Variants in DIAPH2 observed in about 807,000 individuals in gnomAD.
The protein encoded by DIAPH2 is protein diaphanous homolog 2.
A neutral mutation model predicts 92.7 loss-of-function variants in DIAPH2; 35 were observed. That is an observed-to-expected ratio of 0.38 (90% confidence interval 0.29 to 0.50). DIAPH2 has a LOEUF of 0.50. Among genes scored for constraint, DIAPH2 ranks in the 20% least tolerant of loss-of-function variants. The probability of loss-of-function intolerance (pLI) is 0.94; values close to 1 mark genes in which losing one functional copy is unlikely to be tolerated. For missense variants in DIAPH2, 701 were observed against 819.5 expected, an observed-to-expected ratio of 0.86 and a Z score of 1.77; for synonymous variants, 301 against 280.4, an observed-to-expected ratio of 1.07 and a Z score of -0.73.
At chrX:96,798,435 T>C (rs1485042924) in intron 4 of DIAPH2, among the ~76,000 whole-genome samples, 1 of 111,616 alleles carries the variant, frequency 9.0e-6, no homozygotes, top group Admixed American at 9.6e-5. Flanking sequence ...TGGTATTTTT[T>C]TCAGTTCTCG....
At chrX:97,582,820 G>A (rs2071449760) in intron 26 of DIAPH2, among the ~76,000 whole-genome samples, 1 of 111,459 alleles carries the variant, frequency 9.0e-6, no homozygotes, top group East Asian at 2.8e-4. Flanking sequence ...CCAATCAGAC[G>A]TAGATTTGGT....
chrX:97,321,464 G>A (rs1046250626), intron 23 of DIAPH2, among the ~76,000 whole-genome samples: 3 of 108,513 alleles, frequency 2.8e-5, no homozygotes, highest in Admixed American at 1.0e-4. Context: ...ACATGTCATT[G>A]CATTCAGATT....
At chrX:96,951,421 A>T (rs2065774195) in intron 15 of DIAPH2, among the ~76,000 whole-genome samples, 1 of 111,475 alleles carries the variant, frequency 9.0e-6, no homozygotes, top group African/African-American at 3.3e-5. Flanking sequence ...GAGCATAGAC[A>T]CCTTGAGGAC....
chrX:97,025,739 A>G (rs886793307), intron 17 of DIAPH2, among the ~76,000 whole-genome samples: 1 of 112,776 alleles, frequency 8.9e-6, no homozygotes, highest in African/African-American at 3.2e-5. Context: ...AATCTCTAAA[A>G]TAAATCATTA....
In DIAPH2 at chrX:96,980,998, C is replaced by CAAAA. The variant is rs1204120424; in HGVS notation, c.2050+15813_2050+15816dup. 6.7e-3 allele frequency among the ~76,000 whole-genome samples: 305 copies of CAAAA among 45,486 alleles called. 5 individuals are homozygous for CAAAA. The highest frequency in any genetic ancestry group is 0.02 in the African/African-American group (217 of 10,716). The allele number at this position is 45,486 out of a possible 115,157, so 39.5% of individuals were successfully genotyped here. On this transcript the variant is annotated intron_variant, in intron 17 of 26. Transcript: ENST00000324765. The stretch of plus-strand genomic sequence containing the variant: ...CAACATGGTGAAACCCCATCTCTAC[C>CAAAA]AAAAAAAAAAAAAAAAAAAAAAAAA...
At chrX:96,784,647 C>A (rs1359541668) in intron 4 of DIAPH2, among the ~76,000 whole-genome samples, 1 of 111,741 alleles carries the variant, frequency 8.9e-6, no homozygotes, top group Non-Finnish European at 1.9e-5. Context: ...TCCTACTATC[C>A]CTGCACTATG....
At chrX:97,135,073 T>C (rs909660659) in intron 21 of DIAPH2, among the ~76,000 whole-genome samples, 13 of 112,155 alleles carry the variant, frequency 1.2e-4, no homozygotes, top group Non-Finnish European at 2.1e-4. Context: ...TTTTAAGCAG[T>C]TCACAATCTG....
chrX:97,203,629 T>C (rs184351408), intron 22 of DIAPH2, among the ~76,000 whole-genome samples: 2 of 111,686 alleles, frequency 1.8e-5, no homozygotes, highest in Admixed American at 1.9e-4. Flanking sequence ...CAGGAAGAAG[T>C]CGAATCCCTG....
intron 26 of DIAPH2, among the ~76,000 whole-genome samples, chrX:97,588,615 T>C (rs138889893): frequency 0.022 from 2,422 of 110,733 alleles, 80 homozygotes; most frequent in African/African-American, 0.075. Context: ...TTTTAAGACT[T>C]TAACTTTTAG....
chrX:97,368,972 C>A (rs2069413238), intron 24 of DIAPH2, among the ~76,000 whole-genome samples: 1 of 95,225 alleles, frequency 1.1e-5, no homozygotes, highest in East Asian at 3.4e-4. Context: ...ATGGCACGAT[C>A]TTGGCTCACT....
At chrX:97,033,847 T>G (rs1391615375) in intron 17 of DIAPH2, among the ~76,000 whole-genome samples, 5 of 111,544 alleles carry the variant, frequency 4.5e-5, no homozygotes, top group Non-Finnish European at 9.4e-5. Flanking sequence ...AAAGAAAATA[T>G]ACACTGGTAT....
chrX:97,584,191 A>C (rs886854729), intron 26 of DIAPH2, among the ~76,000 whole-genome samples: 3 of 112,108 alleles, frequency 2.7e-5, no homozygotes, highest in Admixed American at 9.4e-5. Flanking sequence ...GCCATCTTCG[A>C]GAAGACTGTT....
In DIAPH2 at chrX:96,916,419, T is replaced by G. The variant is rs2065504568; in HGVS notation, c.733-19T>G. ...TTCCATAGACATTCTGAATGAAGGT[T>G]TTTTTTTTTTTTTTTTAGTTTGGAT... On this transcript the variant is annotated intron_variant, in intron 7 of 26. Transcript: ENST00000324765. The G allele has an allele frequency of 1.2e-6, 1 of 822,762 alleles. No homozygotes were observed. The highest frequency in any genetic ancestry group is 1.6e-6 in the Non-Finnish European group (1 of 635,888). 67.8% of individuals were successfully genotyped at this position (822,762 alleles called of 1,213,427 possible). A position where few individuals can be genotyped will look rare whatever the true frequency, so the allele number is the denominator to read the frequency against.
chrX:97,354,463 C>A (rs766448185), intron 24 of DIAPH2, among the ~76,000 whole-genome samples: 5 of 111,336 alleles, frequency 4.5e-5, no homozygotes, highest in African/African-American at 1.3e-4. Flanking sequence ...ACCTCCACCC[C>A]CTGGGTTCAA....
At chrX:97,268,151 G>A (rs1414594542) in intron 23 of DIAPH2, among the ~76,000 whole-genome samples, 6 of 112,179 alleles carry the variant, frequency 5.3e-5, no homozygotes, top group Admixed American at 9.5e-5. Context: ...TGTTTTTCCC[G>A]TGTTGCTCTT....
chrX:97,210,521 T>C (rs1472749922), intron 22 of DIAPH2, among the ~76,000 whole-genome samples: 1 of 112,257 alleles, frequency 8.9e-6, no homozygotes, highest in Non-Finnish European at 1.9e-5. Context: ...GTATTTTCCC[T>C]GGCTTTGTTC....
chrX:97,540,286 AT>A (rs1189266579), intron 26 of DIAPH2, among the ~76,000 whole-genome samples: 2 of 111,684 alleles, frequency 1.8e-5, no homozygotes, highest in East Asian at 5.6e-4. Flanking sequence ...ACAGTTTTCT[AT>A]TGTTTTGTTT....
chrX:97,286,240 G>A (rs566181926), intron 23 of DIAPH2, among the ~76,000 whole-genome samples: 7 of 107,209 alleles, frequency 6.5e-5, no homozygotes, highest in African/African-American at 2.4e-4. Context: ...TAGTAGATAC[G>A]GGGTTTTACC....
intron 22 of DIAPH2, among the ~76,000 whole-genome samples, chrX:97,150,212 T>A (rs1021752471): frequency 3.6e-5 from 4 of 111,839 alleles, no homozygotes; most frequent in Non-Finnish European, 7.5e-5. Flanking sequence ...AAGAAAGTCA[T>A]GTTTTCTTCT....
Sources: allele counts gnomAD v4.1 joint callset (sites outside exome capture counted in the v4.1 genomes callset), GRCh38; gene constraint gnomAD v4.1.1; transcripts MANE v1.5; gene names NCBI Gene and HGNC (gene_info 2026-07-23, HGNC 2026-07-21).